Variants in EBF2 observed in about 807,000 individuals in gnomAD.
EBF2 encodes EBF transcription factor 2.
In EBF2, 21 loss-of-function variants were observed where a neutral mutation model predicts 72.8. That is an observed-to-expected ratio of 0.29 (90% CI 0.20 to 0.42). EBF2 has a LOEUF of 0.42. Among genes scored for constraint, EBF2 ranks in the 10% least tolerant of loss-of-function variants. The pLI is 1.00. For synonymous variants in EBF2, 299 were observed against 274.2 expected (o/e 1.09, Z -0.89); for missense variants, 637 against 731.2 (o/e 0.87, Z 1.49).
intron 7 of EBF2, among the ~76,000 whole-genome samples, chr8:25,900,314 G>T (rs901730630): frequency 2.0e-5 from 3 of 152,192 alleles, no homozygotes; most frequent in East Asian, 1.9e-4. Flanking sequence ...AAATTAGCTG[G>T]TTTTTTGTGT....
intron 6 of EBF2, among the ~76,000 whole-genome samples, chr8:26,014,329 C>T (rs1269683566): frequency 6.6e-6 from 1 of 152,130 alleles, no homozygotes; most frequent in African/African-American, 2.4e-5. Flanking sequence ...CAATGGATCT[C>T]ACAAAGCTTC....
chr8:26,007,200 A>T (rs544031724), intron 6 of EBF2, among the ~76,000 whole-genome samples: 9 of 152,244 alleles, frequency 5.9e-5, no homozygotes, highest in Admixed American at 1.3e-4. Context: ...CTGATGTTTT[A>T]AATTATTGGA....
At position 26,044,947 on chromosome 8, in the gene EBF2, C is replaced by T. The variant is rs890729912; in HGVS notation, c.-88G>A. On this transcript the variant is annotated 5_prime_UTR_variant, in exon 1 of 16. Coordinates refer to ENST00000520164, the MANE Select transcript of EBF2 (RefSeq NM_022659.4). This position sits in a 1 kb window ranked among gnomAD's most constrained non-coding sequence, Gnocchi z 4.1. ...TCCCAACGTTGCCAGCAAATCGTCT[C>T]CTCCAAAGCAATCCAAGAAAAGGGA... 20 of 1,428,984 alleles carry T rather than the reference C, an allele frequency of 1.4e-5. No individual in the cohort carries two copies. The highest frequency in any genetic ancestry group is 1.9e-5 in the Non-Finnish European group (20 of 1,058,292). 88.5% of individuals were successfully genotyped at this position (1,428,984 alleles called of 1,614,324 possible). A position where few individuals can be genotyped will look rare whatever the true frequency, so the allele number is the denominator to read the frequency against.
chr8:25,928,146 G>GT (rs1303105356), intron 6 of EBF2, among the ~76,000 whole-genome samples: 4 of 151,910 alleles, frequency 2.6e-5, no homozygotes, highest in East Asian at 3.9e-4. Flanking sequence ...AGAGTAAAAG[G>GT]TTTTTTTTAG....
At chr8:25,852,437 C>CCTGT (rs1258275311) in intron 14 of EBF2, among the ~76,000 whole-genome samples, 2 of 152,166 alleles carry the variant, frequency 1.3e-5, no homozygotes, top group African/African-American at 2.4e-5. Flanking sequence ...CCTTGGTTTC[C>CCTGT]CTGTCTACAA....
intron 10 of EBF2, among the ~76,000 whole-genome samples, chr8:25,874,064 A>G (rs4416827): frequency 0.3 from 45,266 of 152,112 alleles, 6,936 homozygotes; most frequent in South Asian, 0.4. Flanking sequence ...AGTTTGAACA[A>G]GGAATAGTTG....
At chr8:25,858,190 A>T in intron 14 of EBF2, 129 bp downstream of exon 14, 3 of 1,172,230 alleles carry the variant, frequency 2.6e-6, no homozygotes, top group Non-Finnish European at 2.5e-6. Flanking sequence ...AAGGATGCTT[A>T]ATCAGGAAAC....
intron 7 of EBF2, among the ~76,000 whole-genome samples, chr8:25,894,228 C>T (rs761055123): frequency 9.2e-5 from 14 of 152,218 alleles, no homozygotes; most frequent in Non-Finnish European, 1.8e-4. Flanking sequence ...ATTTGCTTTA[C>T]TTCTGGAAGA....
intron 6 of EBF2, among the ~76,000 whole-genome samples, chr8:26,020,159 C>T (rs1360143029): frequency 3.3e-5 from 5 of 152,198 alleles, no homozygotes; most frequent in Non-Finnish European, 1.5e-5. Flanking sequence ...TAGACAAATG[C>T]TTTAAAAACT....
chr8:25,859,391 T>A (rs1802165219), intron 13 of EBF2, among the ~76,000 whole-genome samples: 1 of 152,198 alleles, frequency 6.6e-6, no homozygotes, highest in Non-Finnish European at 1.5e-5. Context: ...CAGTTCCAAG[T>A]TGTTGCCACA....
chr8:25,908,119 A>C (rs1215717070), intron 7 of EBF2, among the ~76,000 whole-genome samples: 1 of 152,228 alleles, frequency 6.6e-6, no homozygotes, highest in Non-Finnish European at 1.5e-5. Context: ...TTGCTTGCAG[A>C]AAATACAGAG....
intron 10 of EBF2, among the ~76,000 whole-genome samples, chr8:25,879,242 C>A (rs184384817): frequency 1.1e-4 from 16 of 152,202 alleles, no homozygotes; most frequent in Admixed American, 9.2e-4. Context: ...AAATAAATAT[C>A]CATCCATGGC....
chr8:25,971,826 C>CA (rs907159530), intron 6 of EBF2, among the ~76,000 whole-genome samples: 26 of 151,566 alleles, frequency 1.7e-4, no homozygotes, highest in African/African-American at 5.3e-4. Flanking sequence ...GGTTGATTTG[C>CA]AAAAAAACAA....
At chr8:26,038,188 C>T (rs1445677410) in intron 5 of EBF2, among the ~76,000 whole-genome samples, 1 of 152,226 alleles carries the variant, frequency 6.6e-6, no homozygotes, top group African/African-American at 2.4e-5. Flanking sequence ...TACACACACA[C>T]ATGTATGCTG....
chr8:25,947,918 G>C (rs956305735), intron 6 of EBF2, among the ~76,000 whole-genome samples: 2 of 152,130 alleles, frequency 1.3e-5, no homozygotes, highest in Admixed American at 6.5e-5. Flanking sequence ...GTCATTTTTG[G>C]TTCCTTGTCT....
At chr8:25,908,974 C>A (rs1405561658) in intron 6 of EBF2, among the ~76,000 whole-genome samples, 1 of 152,206 alleles carries the variant, frequency 6.6e-6, no homozygotes, top group Non-Finnish European at 1.5e-5. Flanking sequence ...TGGCTCTCCA[C>A]TGGCCCCAGA....
chr8:25,850,527 G>A (rs1801942713), intron 15 of EBF2, 67 bp downstream of exon 15: 2 of 1,445,384 alleles, frequency 1.4e-6, no homozygotes, highest in South Asian at 3.0e-5. Flanking sequence ...ACAATGATGT[G>A]CTGTTTGCTC....
intron 5 of EBF2, among the ~76,000 whole-genome samples, chr8:26,039,517 C>G (rs1805563983): frequency 6.6e-6 from 1 of 152,162 alleles, no homozygotes. Context: ...AGCAACCTCC[C>G]GGGAGGAAGA....
At position 26,045,112 on chromosome 8, in the gene EBF2, C is replaced by G. The variant is rs551728912; in HGVS notation, c.-253G>C. 46 of 354,472 alleles carry G rather than the reference C, an allele frequency of 1.3e-4. No homozygotes were observed. The highest frequency in any genetic ancestry group is 8.1e-4 in the African/African-American group (40 of 49,438). 22.0% of individuals were successfully genotyped at this position (354,472 alleles called of 1,614,324 possible). On this transcript the variant is annotated 5_prime_UTR_variant, in exon 1 of 16. Coordinates refer to ENST00000520164, the MANE Select transcript of EBF2 (RefSeq NM_022659.4). ...AGATCTGCCGCCTCAGCCACTCCAC[C>G]CTAGGTCGCTCGCATCCTTCCAGCT...
Sources: gnomAD v4.1 joint callset for allele counts (sites outside exome capture counted in the v4.1 genomes callset) on GRCh38, gnomAD v4.1.1 for gene constraint, Gnocchi (gnomAD v3.1) non-coding constraint, MANE v1.5 for transcripts, NCBI Gene and HGNC (gene_info 2026-07-23, HGNC 2026-07-21) for gene names.